The following CENPP variants were observed in gnomAD, a reference collection of about 807,000 sequenced individuals.
The protein encoded by CENPP is centromere protein P.
Under a neutral mutation model 35.6 loss-of-function variants are expected in CENPP, and 24 were observed. The observed-to-expected ratio is 0.67, with a 90% CI of 0.49 to 0.95. The LOEUF is 0.95. Ranked by LOEUF, CENPP falls within the 40% of genes least tolerant of loss-of-function variation. CENPP has a pLI of 0.00. For missense variants in CENPP, 332 were observed against 345.3 expected, an observed-to-expected ratio of 0.96 and a Z score of 0.31; for synonymous variants, 120 against 125.5, an observed-to-expected ratio of 0.96 and a Z score of 0.29.
intron 5 of CENPP, among the ~76,000 whole-genome samples, chr9:92,386,478 C>T (rs543118674): frequency 2.0e-5 from 3 of 152,104 alleles, no homozygotes; most frequent in Non-Finnish European, 4.4e-5. Flanking sequence ...TTTCTGACTT[C>T]ACGTGTAGTG....
At chr9:92,347,908 A>T (rs1298334291) in intron 4 of CENPP, among the ~76,000 whole-genome samples, 1 of 152,094 alleles carries the variant, frequency 6.6e-6, no homozygotes, top group African/African-American at 2.4e-5. Context: ...GCAATTAAAA[A>T]TAAGACAAAA....
At chr9:92,455,876 C>T (rs1844862245) in intron 5 of CENPP, among the ~76,000 whole-genome samples, 1 of 152,096 alleles carries the variant, frequency 6.6e-6, no homozygotes, top group Non-Finnish European at 1.5e-5. Flanking sequence ...TCGAGACTAG[C>T]CTGGCCAACA....
intron 5 of CENPP, among the ~76,000 whole-genome samples, chr9:92,609,680 C>G (rs1258158129): frequency 6.6e-6 from 1 of 152,266 alleles, no homozygotes. Flanking sequence ...AGTCTCCTGT[C>G]ACCCCTGACC....
intron 5 of CENPP, among the ~76,000 whole-genome samples, chr9:92,457,750 C>T (rs112116368): frequency 1.1e-5 from 1 of 91,318 alleles, no homozygotes; most frequent in Non-Finnish European, 2.1e-5. Context: ...GGGTCGCTGT[C>T]TCTCTCTCTC....
chr9:92,497,232 T>C (rs962247049), intron 5 of CENPP, among the ~76,000 whole-genome samples: 5 of 152,200 alleles, frequency 3.3e-5, no homozygotes, highest in Non-Finnish European at 7.3e-5. Context: ...ACGGAACTGA[T>C]TGAATAAAAT....
At chr9:92,438,330 C>T (rs781394878) in intron 5 of CENPP, among the ~76,000 whole-genome samples, 1 of 152,084 alleles carries the variant, frequency 6.6e-6, no homozygotes, top group Non-Finnish European at 1.5e-5. Flanking sequence ...TGTCTCAGCA[C>T]CATTTGTTGA....
At chr9:92,382,892 C>CTT (rs1213731251) in intron 5 of CENPP, among the ~76,000 whole-genome samples, 92 of 69,790 alleles carry the variant, frequency 1.3e-3, no homozygotes, top group African/African-American at 1.9e-3. Context: ...CACTGTTTTC[C>CTT]TTTTTTTTTT....
chr9:92,584,088 G>A lies in CENPP; in HGVS notation c.565-27226G>A, dbSNP rs370937658. 2.6e-5 allele frequency among the ~76,000 whole-genome samples: 4 copies of A among 152,278 alleles called. No individual in the cohort carries two copies. The East Asian group carries it at 7.7e-4, about 29-fold the overall frequency. On this transcript the variant is annotated intron_variant, in intron 5 of 7. Transcript: ENST00000375587. ...AGTTCCACTTCCTCAGAATGTGTCA[G>A]GGACCTGGCCACACCTCACCCCAGC...
At chr9:92,561,810 C>G (rs1849853568) in intron 5 of CENPP, among the ~76,000 whole-genome samples, 1 of 152,122 alleles carries the variant, frequency 6.6e-6, no homozygotes, top group Admixed American at 6.5e-5. Flanking sequence ...AACAAAGAAG[C>G]CAATATGAAT....
At chr9:92,517,544 T>C in intron 5 of CENPP, 1 of 1,093,128 alleles carries the variant, frequency 9.1e-7, no homozygotes, top group Non-Finnish European at 1.3e-6. Flanking sequence ...AGATATTTTC[T>C]ATGTTAATCA....
chr9:92,563,095 C>A (rs1475170805), intron 5 of CENPP, among the ~76,000 whole-genome samples: 16 of 151,894 alleles, frequency 1.1e-4, no homozygotes, highest in Admixed American at 6.6e-5. Flanking sequence ...CAAACTGTAC[C>A]CAAGGATTCA....
intron 5 of CENPP, among the ~76,000 whole-genome samples, chr9:92,398,110 T>C (rs1434650031): frequency 1.3e-5 from 2 of 152,236 alleles, no homozygotes; most frequent in Non-Finnish European, 2.9e-5. Context: ...CTCATAACAC[T>C]GTGCATAACA....
At chr9:92,356,805 G>C (rs540705875) in intron 4 of CENPP, among the ~76,000 whole-genome samples, 18 of 152,114 alleles carry the variant, frequency 1.2e-4, no homozygotes, top group Non-Finnish European at 1.8e-4. Flanking sequence ...AGTATTATTT[G>C]GGAACTGATA....
intron 5 of CENPP, among the ~76,000 whole-genome samples, chr9:92,438,119 T>C (rs1208256588): frequency 6.6e-6 from 1 of 152,206 alleles, no homozygotes; most frequent in East Asian, 1.9e-4. Context: ...AATTTATGAT[T>C]TTTTATCTTT....
In CENPP at chr9:92,345,710, A is replaced by T; in HGVS notation, c.390A>T (p.Arg130Ser). Residue 130 changes from arginine to serine, a missense_variant, in exon 4 of 8, where the codon AGA (arginine) becomes AGT (serine). Transcript: ENST00000375587. The stretch of plus-strand genomic sequence containing the variant: ...TATCTTTATTTTAGAATAAGGAGAG[A>T]TTATCTTCTGCTGTTACTGACCTCA... ...FQILEIQNKE[R>S]LSSAVTDLNI... 1.9e-6 allele frequency: 3 copies of T among 1,574,810 alleles called. No individual in the cohort carries two copies. Among genetic ancestry groups the T allele is most frequent in the Non-Finnish European group, 2.6e-6 (3 of 1,147,520 alleles).
upstream of CENPP, chr9:92,325,811 G>T: frequency 1.8e-6 from 1 of 552,526 alleles, no homozygotes; most frequent in Non-Finnish European, 3.2e-6. Context: ...GGAGGACTCA[G>T]GCTCTCGTGC....
Position 92,552,212 on chromosome 9 carries a change from CA to C in CENPP, c.565-59101del, listed in dbSNP as rs1564000444. 6.4e-4 allele frequency among the ~76,000 whole-genome samples: 97 copies of C among 150,718 alleles called. 2 individuals are homozygous for C. Among genetic ancestry groups the C allele is most frequent in the South Asian group, 4.8e-3 (23 of 4,760 alleles). On this transcript the variant is annotated intron_variant, in intron 5 of 7. Transcript: ENST00000375587. Reference sequence around the variant, plus strand: ...ATATACACACACACACACACACACACACACCCCACAGTTTCTTTATCCACTT... The same window carrying C: ...ATATACACACACACACACACACACACCACCCCACAGTTTCTTTATCCACTT...
At chr9:92,401,907 C>T (rs778186332) in intron 5 of CENPP, among the ~76,000 whole-genome samples, 4 of 152,146 alleles carry the variant, frequency 2.6e-5, no homozygotes, top group African/African-American at 4.8e-5. Context: ...ATTTTAGTCT[C>T]GGTCTTGACT....
intron 5 of CENPP, chr9:92,501,010 C>T (rs781440673): frequency 2.4e-5 from 39 of 1,613,984 alleles, no homozygotes; most frequent in Middle Eastern, 1.6e-4. Flanking sequence ...TAGGACGGGA[C>T]GTGATAGAGC....
Sources: allele counts gnomAD v4.1 joint callset (sites outside exome capture counted in the v4.1 genomes callset), GRCh38; gene constraint gnomAD v4.1.1; transcripts MANE v1.5; gene names NCBI Gene and HGNC (gene_info 2026-07-23, HGNC 2026-07-21).